TENM3: variants seen among roughly 807,000 people sequenced by gnomAD.
The protein encoded by TENM3 is teneurin-3.
In TENM3, 63 loss-of-function variants were observed where a neutral mutation model predicts 255.1. That is an observed-to-expected ratio of 0.25 (90% CI 0.20 to 0.30). TENM3 has a LOEUF of 0.30. Ranked by LOEUF, TENM3 falls within the 10% of genes least tolerant of loss-of-function variation. The pLI is 1.00. For synonymous variants in TENM3, 1,306 were observed against 1,322.3 expected (o/e 0.99, Z 0.27); for missense variants, 2,929 against 3,461.1 (o/e 0.85, Z 3.86).
chr4:181,480,998 C>T, the TENM3 span, among the ~76,000 whole-genome samples: 7 of 151,690 alleles, frequency 4.6e-5, no homozygotes, highest in East Asian at 1.2e-3. Flanking sequence ...CAGCGATTGA[C>T]ATTCACCATG....
At chr4:181,688,460 T>C in the TENM3 span, among the ~76,000 whole-genome samples, 2 of 152,024 alleles carry the variant, frequency 1.3e-5, no homozygotes, top group African/African-American at 2.4e-5. Context: ...TTTCTCTTGA[T>C]AGAAGCCAAT....
chr4:181,489,657 A>T, the TENM3 span, among the ~76,000 whole-genome samples: 24 of 152,234 alleles, frequency 1.6e-4, no homozygotes, highest in Non-Finnish European at 3.2e-4. Context: ...ATATGTGTAC[A>T]TGCATGTGTG....
At chr4:181,836,183 G>GCGCACACA in the TENM3 span, among the ~76,000 whole-genome samples, 1 of 148,844 alleles carries the variant, frequency 6.7e-6, no homozygotes, top group Non-Finnish European at 1.5e-5. Flanking sequence ...ATACACACAT[G>GCGCACACA]CACACACACA....
intron 3 of TENM3, among the ~76,000 whole-genome samples, chr4:182,483,808 A>G (rs893096553): frequency 2.1e-4 from 32 of 152,182 alleles, no homozygotes; most frequent in African/African-American, 7.5e-4. Flanking sequence ...GCAAAGAGGA[A>G]TGAGGCATGT....
intron 3 of TENM3, among the ~76,000 whole-genome samples, chr4:182,567,621 T>C (rs1743922382): frequency 6.6e-6 from 1 of 152,110 alleles, no homozygotes; most frequent in African/African-American, 2.4e-5. Flanking sequence ...AGGAATACTC[T>C]TCGGGCAGAC....
At chr4:182,381,275 G>A (rs973778952) in intron 3 of TENM3, among the ~76,000 whole-genome samples, 1 of 152,146 alleles carries the variant, frequency 6.6e-6, no homozygotes, top group Non-Finnish European at 1.5e-5. Context: ...GATCCCTAGT[G>A]TGTCTCCCTA....
At chr4:182,742,493 G>A (rs887071980) in intron 18 of TENM3, among the ~76,000 whole-genome samples, 6 of 152,176 alleles carry the variant, frequency 3.9e-5, no homozygotes, top group African/African-American at 1.4e-4. Flanking sequence ...TGACAGGATA[G>A]GTAGAGTTAA....
rs115676300 is a variant in TENM3, at chr4:182,279,103, A to T, written c.-76+35627A>T. Reference sequence around the variant, plus strand: ...ACAAACCAGCAATTCGAAGTTGCTTAGCTAGCCTATGAAAACCCACATCAG... The same window carrying T: ...ACAAACCAGCAATTCGAAGTTGCTTTGCTAGCCTATGAAAACCCACATCAG... On this transcript the variant is annotated intron_variant, in intron 1 of 27. Coordinates refer to ENST00000511685, the MANE Select transcript of TENM3 (RefSeq NM_001080477.4). Among the ~76,000 whole-genome samples, 841 of 152,332 alleles carry T rather than the reference A, an allele frequency of 5.5e-3. 5 individuals are homozygous for T. Among genetic ancestry groups the T allele is most frequent in the African/African-American group, 0.018 (761 of 41,580 alleles).
intron 3 of TENM3, among the ~76,000 whole-genome samples, chr4:182,384,395 G>C (rs1466786301): frequency 1.3e-5 from 2 of 151,278 alleles, no homozygotes; most frequent in Non-Finnish European, 2.9e-5. Flanking sequence ...GACGCAGGTA[G>C]GTGTCACTGA....
rs535328425 is a variant in TENM3 at position 182,517,422 on chromosome 4, C to A, written c.512-83502C>A. Among the ~76,000 whole-genome samples the A allele has an allele frequency of 1.7e-5, 2 of 119,360 alleles. 1 individual carries two copies. The highest frequency in any genetic ancestry group is 6.6e-5 in the African/African-American group (2 of 30,206). The allele number at this position is 119,360 out of a possible 152,430, so 78.3% of individuals were successfully genotyped here. On this transcript the variant is annotated intron_variant, in intron 3 of 27. Coordinates refer to ENST00000511685, the MANE Select transcript of TENM3 (RefSeq NM_001080477.4). ...TTTTTGAGACGGAGTCTCGCTCTGT[C>A]GCCCAGGCTGGAGTGCAGTGGTGCG...
intron 3 of TENM3, among the ~76,000 whole-genome samples, chr4:182,350,678 T>TTTTTG (rs1030319520): frequency 2.0e-5 from 3 of 152,032 alleles, no homozygotes; most frequent in African/African-American, 2.4e-5. Flanking sequence ...TCCAATGTGG[T>TTTTTG]TTTTGTTTTG....
At chr4:181,903,980 C>A in the TENM3 span, among the ~76,000 whole-genome samples, 1 of 152,134 alleles carries the variant, frequency 6.6e-6, no homozygotes, top group Non-Finnish European at 1.5e-5. Flanking sequence ...TCTAGCCCCA[C>A]CCTCTCCCTT....
chr4:181,691,641 T>A, the TENM3 span, among the ~76,000 whole-genome samples: 20 of 152,230 alleles, frequency 1.3e-4, no homozygotes, highest in East Asian at 3.9e-3. Flanking sequence ...AAAATTCTTG[T>A]AAGAAAAACA....
At chr4:181,797,119 G>A in the TENM3 span, among the ~76,000 whole-genome samples, 2 of 151,300 alleles carry the variant, frequency 1.3e-5, no homozygotes, top group Non-Finnish European at 3.0e-5. Flanking sequence ...TTTGTACATG[G>A]GGATTTTTCT....
At chr4:182,333,994 C>T (rs188542222) in intron 2 of TENM3, among the ~76,000 whole-genome samples, 141 of 152,256 alleles carry the variant, frequency 9.3e-4, no homozygotes, top group Admixed American at 1.5e-3. Context: ...TGGCAGTTTA[C>T]CTAATCTTGG....
At chr4:181,516,118 C>T in the TENM3 span, among the ~76,000 whole-genome samples, 1 of 152,004 alleles carries the variant, frequency 6.6e-6, no homozygotes, top group Admixed American at 6.6e-5. Context: ...GAAAACGAAA[C>T]ACTGCATGTT....
the TENM3 span, among the ~76,000 whole-genome samples, chr4:182,000,189 A>G: frequency 2.2e-4 from 33 of 152,266 alleles, no homozygotes; most frequent in South Asian, 3.7e-3. Flanking sequence ...CAGACTGTGT[A>G]GCTGTTCAGT....
chr4:181,761,238 C>T, the TENM3 span, among the ~76,000 whole-genome samples: 22 of 152,062 alleles, frequency 1.4e-4, no homozygotes, highest in African/African-American at 5.1e-4. Flanking sequence ...ATCATTGTCA[C>T]GGTTATTGAT....
At chr4:181,471,192 G>A in the TENM3 span, among the ~76,000 whole-genome samples, 3 of 151,810 alleles carry the variant, frequency 2.0e-5, no homozygotes, top group African/African-American at 7.3e-5. Flanking sequence ...TTTATTTCAA[G>A]GAAAAAGAGG....
Sources: allele counts gnomAD v4.1 joint callset (sites outside exome capture counted in the v4.1 genomes callset), GRCh38; gene constraint gnomAD v4.1.1; transcripts MANE v1.5; gene names NCBI Gene and HGNC (gene_info 2026-07-23, HGNC 2026-07-21).